Variants in GTF2IRD1 observed in about 807,000 individuals in gnomAD.
The protein encoded by GTF2IRD1 is GTF2I repeat domain containing 1, also known as general transcription factor II-I repeat domain-containing protein 1.
Under a neutral mutation model 113.2 loss-of-function variants are expected in GTF2IRD1, and 26 were observed. The observed-to-expected ratio is 0.23, with a 90% CI of 0.17 to 0.32. The LOEUF is 0.32. Among genes scored for constraint, GTF2IRD1 ranks in the 10% least tolerant of loss-of-function variants. GTF2IRD1 has a pLI of 1.00. For synonymous variants in GTF2IRD1, 484 were observed against 529.1 expected, an observed-to-expected ratio of 0.91 and a Z score of 1.17; for missense variants, 864 against 1,280.8, an observed-to-expected ratio of 0.67 and a Z score of 4.97.
intron 11 of GTF2IRD1, among the ~76,000 whole-genome samples, chr7:74,537,318 C>T (rs372776478): frequency 2.9e-4 from 44 of 150,692 alleles, no homozygotes; most frequent in African/African-American, 1.0e-3. Flanking sequence ...GAGGTTGAGG[C>T]AGGAGAATCG....
chr7:74,575,144 G>A (rs1011309724), intron 22 of GTF2IRD1, among the ~76,000 whole-genome samples: 3 of 152,074 alleles, frequency 2.0e-5, no homozygotes, highest in African/African-American at 7.2e-5. Context: ...ATGGTGGGGC[G>A]GGGGGATAAA....
chr7:74,552,420 G>T (rs1799366467), intron 17 of GTF2IRD1, among the ~76,000 whole-genome samples: 1 of 152,046 alleles, frequency 6.6e-6, no homozygotes, highest in Non-Finnish European at 1.5e-5. Flanking sequence ...GGAGACTGAG[G>T]CAGGAGAATT....
intron 24 of GTF2IRD1, 44 bp downstream of exon 24, chr7:74,591,061 C>T: frequency 7.0e-7 from 1 of 1,437,454 alleles, no homozygotes; most frequent in Non-Finnish European, 9.7e-7. Flanking sequence ...AGGGCGAGGC[C>T]ATGGGGAGGG....
intron 9 of GTF2IRD1, among the ~76,000 whole-genome samples, chr7:74,533,707 C>T (rs1486293811): frequency 6.6e-6 from 1 of 152,076 alleles, no homozygotes; most frequent in Non-Finnish European, 1.5e-5. Flanking sequence ...CCGCTCACTG[C>T]TTGGGCCCCC....
At chr7:74,556,955 G>A (rs587602905) in intron 19 of GTF2IRD1, among the ~76,000 whole-genome samples, 1 of 152,008 alleles carries the variant, frequency 6.6e-6, no homozygotes, top group Admixed American at 6.6e-5. Flanking sequence ...ACACTTTCTG[G>A]GTGAGGGTGT....
At chr7:74,533,975 G>A (rs1798129486) in intron 9 of GTF2IRD1, among the ~76,000 whole-genome samples, 1 of 151,444 alleles carries the variant, frequency 6.6e-6, no homozygotes, top group Admixed American at 6.6e-5. Flanking sequence ...TCTGCAGTGA[G>A]CTATGATTGC....
chr7:74,453,938 G>T lies in GTF2IRD1; in HGVS notation c.-245G>T, dbSNP rs1371272104. ...TCCCCGCGCCGCCCCGCCCTCCGCC[G>T]CAGCCCGCGCCGGGGGTGGGGGCCG... On this transcript the variant is annotated 5_prime_UTR_variant, in exon 1 of 27. Coordinates refer to ENST00000424337, the MANE Select transcript of GTF2IRD1 (RefSeq NM_005685.4). 6.9e-6 allele frequency: 1 copy of T among 145,226 alleles called. No individual in the cohort carries two copies. The highest frequency in any genetic ancestry group is 2.5e-5 in the African/African-American group (1 of 39,480). 9.0% of individuals were successfully genotyped at this position (145,226 alleles called of 1,614,324 possible). A position where few individuals can be genotyped will look rare whatever the true frequency, so the allele number is the denominator to read the frequency against.
chr7:74,466,355 C>T (rs1405956633), intron 1 of GTF2IRD1, among the ~76,000 whole-genome samples: 4 of 152,104 alleles, frequency 2.6e-5, no homozygotes, highest in Admixed American at 6.5e-5. Context: ...CAGGACGTGA[C>T]GGTGGGGCTG....
chr7:74,553,564 C>T (rs1430251736), intron 17 of GTF2IRD1, among the ~76,000 whole-genome samples: 1 of 152,056 alleles, frequency 6.6e-6, no homozygotes, highest in African/African-American at 2.4e-5. Flanking sequence ...GCTGGGATTA[C>T]AGGTTGAGCC....
chr7:74,579,011 G>A (rs1207039709), intron 22 of GTF2IRD1, among the ~76,000 whole-genome samples: 2 of 151,668 alleles, frequency 1.3e-5, no homozygotes, highest in Non-Finnish European at 1.5e-5. Context: ...AGCAGAGGAG[G>A]AGAAGCATAG....
intron 1 of GTF2IRD1, among the ~76,000 whole-genome samples, chr7:74,497,585 C>T (rs1004350892): frequency 6.6e-6 from 1 of 151,910 alleles, no homozygotes; most frequent in East Asian, 1.9e-4. Context: ...TTTGAGGAAC[C>T]GCCATGCTGT....
chr7:74,580,507 C>A (rs1441208132), intron 22 of GTF2IRD1, among the ~76,000 whole-genome samples: 1 of 152,246 alleles, frequency 6.6e-6, no homozygotes, highest in African/African-American at 2.4e-5. Flanking sequence ...GCCCAGGCAC[C>A]ACCCGAGCCA....
intron 1 of GTF2IRD1, among the ~76,000 whole-genome samples, chr7:74,474,330 C>T (rs1368123981): frequency 6.6e-6 from 1 of 152,266 alleles, no homozygotes; most frequent in Admixed American, 6.5e-5. Context: ...TCAGGTCTCA[C>T]TGTAGCCCCC....
At chr7:74,568,337 T>A (rs1406221655) in intron 22 of GTF2IRD1, among the ~76,000 whole-genome samples, 4 of 91,990 alleles carry the variant, frequency 4.3e-5, no homozygotes, top group South Asian at 4.2e-4. Flanking sequence ...CATCTCTATT[T>A]AAAAAAAAAA....
rs587747690 is a variant in GTF2IRD1, at chr7:74,543,788, C to G, written c.1619-967C>G. Among the ~76,000 whole-genome samples the G allele has an allele frequency of 4.0e-4, 57 of 142,022 alleles. No individual in the cohort carries two copies. In the South Asian group the frequency reaches 0.013, roughly 32 times the overall value. The allele number at this position is 142,022 out of a possible 152,430, so 93.2% of individuals were successfully genotyped here. A position where few individuals can be genotyped will look rare whatever the true frequency, so the allele number is the denominator to read the frequency against. ...TGGTGGTACATGCCTCTAGTTCCAG[C>G]TATTGAGGAGACTGAGGCGGGTGGA... On this transcript the variant is annotated intron_variant, in intron 14 of 26. Transcript: ENST00000424337.
At chr7:74,489,065 C>T (rs1389073343) in intron 1 of GTF2IRD1, among the ~76,000 whole-genome samples, 1 of 151,222 alleles carries the variant, frequency 6.6e-6, no homozygotes, top group Non-Finnish European at 1.5e-5. Context: ...TCATTTGAAC[C>T]CAGGAGGCAG....
At chr7:74,544,883 T>G in intron 15 of GTF2IRD1, 81 bp downstream of exon 15, 1 of 1,143,188 alleles carries the variant, frequency 8.7e-7, no homozygotes, top group Non-Finnish European at 1.3e-6. Flanking sequence ...CCCCTTGGCC[T>G]CTGGGTCTCT....
chr7:74,534,421 G>A (rs1411515169), intron 9 of GTF2IRD1, among the ~76,000 whole-genome samples: 2 of 152,230 alleles, frequency 1.3e-5, no homozygotes, highest in Non-Finnish European at 2.9e-5. Flanking sequence ...GGCCAACATG[G>A]TGAAACCCCA....
intron 1 of GTF2IRD1, among the ~76,000 whole-genome samples, chr7:74,455,412 C>G (rs542096356): frequency 6.6e-6 from 1 of 152,204 alleles, no homozygotes; most frequent in Non-Finnish European, 1.5e-5. Flanking sequence ...CTGGCTGCCC[C>G]GTGGCCAGGA....
Sources: gnomAD v4.1 joint callset for allele counts (sites outside exome capture counted in the v4.1 genomes callset) on GRCh38, gnomAD v4.1.1 for gene constraint, MANE v1.5 for transcripts, NCBI Gene and HGNC (gene_info 2026-07-23, HGNC 2026-07-21) for gene names.